Variants in LAMA2 observed in about 807,000 individuals in gnomAD.
The protein encoded by LAMA2 is laminin subunit alpha-2.
LAMA2 carries 269 observed loss-of-function variants against 364.8 expected under a neutral mutation model. The observed-to-expected ratio is 0.74, with a 90% CI of 0.67 to 0.82. The LOEUF is 0.82. Ranked by LOEUF, LAMA2 falls within the 40% of genes least tolerant of loss-of-function variation. The pLI, the probability that LAMA2 is intolerant of heterozygous loss-of-function variation, is 0.00. For missense variants in LAMA2, 3,807 were observed against 3,873.2 expected (o/e 0.98, Z 0.45); for synonymous variants, 1,379 against 1,370.6 (o/e 1.01, Z -0.14).
At chr6:129,187,984 A>G (rs1781325444) in intron 10 of LAMA2, among the ~76,000 whole-genome samples, 1 of 151,836 alleles carries the variant, frequency 6.6e-6, no homozygotes, top group South Asian at 2.1e-4. Context: ...TATGTCCACA[A>G]GTTGAATTTT....
chr6:129,310,383 G>A (rs1774143897), intron 22 of LAMA2, among the ~76,000 whole-genome samples: 1 of 152,206 alleles, frequency 6.6e-6, no homozygotes, highest in South Asian at 2.1e-4. Flanking sequence ...GAGGGAAAGT[G>A]TGAGATACAC....
intron 1 of LAMA2, among the ~76,000 whole-genome samples, chr6:129,021,407 T>C (rs1785442308): frequency 6.6e-6 from 1 of 152,234 alleles, no homozygotes; most frequent in African/African-American, 2.4e-5. Flanking sequence ...AAGTAGATTG[T>C]AATTGGCTAG....
intron 12 of LAMA2, among the ~76,000 whole-genome samples, chr6:129,203,694 A>G (rs75858816): frequency 0.022 from 3,322 of 152,338 alleles, 112 homozygotes; most frequent in African/African-American, 0.075. Flanking sequence ...GCTATTACTC[A>G]TATAAGCGGA....
chr6:129,167,081 T>C (rs1779792186), intron 9 of LAMA2, among the ~76,000 whole-genome samples: 1 of 152,160 alleles, frequency 6.6e-6, no homozygotes, highest in African/African-American at 2.4e-5. Flanking sequence ...AGAAATAAAA[T>C]AATAAGTGTC....
chr6:129,266,875 C>G (rs1301529692), intron 15 of LAMA2, among the ~76,000 whole-genome samples: 1 of 152,156 alleles, frequency 6.6e-6, no homozygotes, highest in East Asian at 1.9e-4. Flanking sequence ...AAACACCAAG[C>G]TAATGCTTCC....
At chr6:129,451,536 C>G (rs1782675908) in intron 45 of LAMA2, among the ~76,000 whole-genome samples, 1 of 152,218 alleles carries the variant, frequency 6.6e-6, no homozygotes, top group Admixed American at 6.5e-5. Flanking sequence ...GCCCCTGTTT[C>G]TCTCCAGAAC....
intron 34 of LAMA2, among the ~76,000 whole-genome samples, chr6:129,376,946 T>C (rs1360932326): frequency 6.6e-6 from 1 of 152,194 alleles, no homozygotes; most frequent in African/African-American, 2.4e-5. Flanking sequence ...GTACACATAA[T>C]AGGTGTTAAG....
At chr6:128,983,212 A>G (rs1783005839) in intron 1 of LAMA2, among the ~76,000 whole-genome samples, 1 of 152,102 alleles carries the variant, frequency 6.6e-6, no homozygotes, top group Non-Finnish European at 1.5e-5. Flanking sequence ...TGGTTGAACT[A>G]GTTTACAGTC....
chr6:129,302,929 A>T (rs1373997487), intron 22 of LAMA2, among the ~76,000 whole-genome samples: 3 of 152,084 alleles, frequency 2.0e-5, no homozygotes, highest in Non-Finnish European at 4.4e-5. Context: ...ATACCTTTTG[A>T]GTACTTTAGC....
chr6:129,273,982 G>T (rs1038497069), intron 17 of LAMA2, among the ~76,000 whole-genome samples: 1 of 151,390 alleles, frequency 6.6e-6, no homozygotes, highest in Non-Finnish European at 1.5e-5. Flanking sequence ...TTTACTTCTA[G>T]CAGTAGAATT....
rs369707756 is a variant in LAMA2, at chr6:129,144,037, C to T, written c.776C>T (p.Ala259Val). The T allele has an allele frequency of 6.2e-7, 1 of 1,612,436 alleles. No homozygotes were observed. Among genetic ancestry groups the T allele is most frequent in the African/African-American group, 1.3e-5 (1 of 74,790 alleles). Residue 259 changes from alanine to valine, a missense_variant, in exon 5 of 65, where the codon GCT (alanine) becomes GTT (valine). Transcript: ENST00000421865. ...CTGAATGCTGACTTGATGATGTTTG[C>T]TCACAAAGACCCAAGAGAAATTGAC... ...RTLNADLMMF[A>V]HKDPREIDPI...
In LAMA2 at chr6:129,440,902, C is replaced by T. The variant is rs772599361; in HGVS notation, c.6172C>T (p.Leu2058Phe). ...AKDVLAQITE[L>F]HQNLDGLKKN... Reference sequence around the variant, plus strand: ...AGATGTACTGGCACAGATTACAGAGCTCCACCAGAACCTCGATGGCCTGAA... The same window carrying T: ...AGATGTACTGGCACAGATTACAGAGTTCCACCAGAACCTCGATGGCCTGAA... The change falls in exon 43 of 65, where the codon CTC (leucine) becomes TTC (phenylalanine). Residue 2058 changes from leucine (L) to phenylalanine (F), a missense_variant. Coordinates refer to ENST00000421865, the MANE Select transcript of LAMA2 (RefSeq NM_000426.4). The T allele has an allele frequency of 2.5e-6, 4 of 1,613,940 alleles. No homozygotes were observed. Among genetic ancestry groups the T allele is most frequent in the Non-Finnish European group, 3.4e-6 (4 of 1,179,826 alleles).
chr6:128,926,178 A>G (rs192708997), intron 1 of LAMA2, among the ~76,000 whole-genome samples: 99 of 152,152 alleles, frequency 6.5e-4, no homozygotes, highest in Admixed American at 2.9e-3. Context: ...ATGGGGAGGT[A>G]GAGTGTTGGC....
intron 9 of LAMA2, among the ~76,000 whole-genome samples, chr6:129,172,433 C>T (rs1001452007): frequency 1.3e-5 from 2 of 152,224 alleles, no homozygotes; most frequent in Admixed American, 6.5e-5. Flanking sequence ...AATACCCTGC[C>T]GTGTGAGGTG....
At chr6:129,409,640 G>C (rs1475489680) in intron 40 of LAMA2, among the ~76,000 whole-genome samples, 1 of 152,218 alleles carries the variant, frequency 6.6e-6, no homozygotes, top group African/African-American at 2.4e-5. Flanking sequence ...GTGATCTGCA[G>C]AAGATGGCAG....
chr6:129,340,638 C>T (rs1242011247), intron 29 of LAMA2, among the ~76,000 whole-genome samples: 1 of 151,780 alleles, frequency 6.6e-6, no homozygotes, highest in Non-Finnish European at 1.5e-5. Flanking sequence ...GAGTTCAAGA[C>T]CAGCCTGGCC....
intron 4 of LAMA2, among the ~76,000 whole-genome samples, chr6:129,132,197 C>T (rs1199690592): frequency 1.3e-5 from 2 of 148,484 alleles, no homozygotes; most frequent in African/African-American, 2.5e-5. Flanking sequence ...GACAGAGTCT[C>T]GCTCTGTCAC....
intron 1 of LAMA2, among the ~76,000 whole-genome samples, chr6:128,912,950 C>T (rs1016716079): frequency 2.3e-4 from 35 of 151,986 alleles, no homozygotes; most frequent in African/African-American, 6.0e-4. Context: ...GGAGCATGGG[C>T]GACCAGAAAG....
intron 8 of LAMA2, chr6:129,158,959 A>G: frequency 6.3e-7 from 1 of 1,589,792 alleles, no homozygotes; most frequent in Non-Finnish European, 8.6e-7. Flanking sequence ...AAGGCAAGGT[A>G]TCCTCTGGTG....
Sources: allele counts gnomAD v4.1 joint callset (sites outside exome capture counted in the v4.1 genomes callset), GRCh38; gene constraint gnomAD v4.1.1; transcripts MANE v1.5; gene names NCBI Gene and HGNC (gene_info 2026-07-23, HGNC 2026-07-21).